The following DNER variants were observed in gnomAD, a reference collection of about 807,000 sequenced individuals.
DNER encodes delta and Notch-like epidermal growth factor-related receptor.
Under a neutral mutation model 78.2 loss-of-function variants are expected in DNER, and 33 were observed. The observed-to-expected ratio is 0.42, with a 90% CI of 0.32 to 0.56. The LOEUF is 0.56. Among genes scored for constraint, DNER ranks in the 20% least tolerant of loss-of-function variants. The pLI is 0.11. For missense variants in DNER, 918 were observed against 975.3 expected (o/e 0.94, Z 0.78); for synonymous variants, 417 against 384.8 (o/e 1.08, Z -0.98).
chr2:229,360,476 T>C (rs1469034612), intron 12 of DNER, among the ~76,000 whole-genome samples: 1 of 152,212 alleles, frequency 6.6e-6, no homozygotes, highest in Non-Finnish European at 1.5e-5. Flanking sequence ...AGTGGCGTGG[T>C]CTCGGCTCAC....
chr2:229,674,796 C>T (rs1219513683), intron 1 of DNER, among the ~76,000 whole-genome samples: 3 of 152,206 alleles, frequency 2.0e-5, no homozygotes, highest in African/African-American at 7.2e-5. Context: ...TGTTGAACTC[C>T]ATTTGGCCAA....
At chr2:229,636,503 G>A (rs531093874) in intron 1 of DNER, among the ~76,000 whole-genome samples, 1 of 152,324 alleles carries the variant, frequency 6.6e-6, no homozygotes, top group African/African-American at 2.4e-5. Flanking sequence ...GAAGGACCTG[G>A]TGCAAGTCCT....
intron 6 of DNER, among the ~76,000 whole-genome samples, chr2:229,484,537 TTTG>T (rs1388289987): frequency 1.1e-4 from 17 of 152,128 alleles, no homozygotes; most frequent in African/African-American, 4.1e-4. Flanking sequence ...AACTCTTCAT[TTTG>T]TTGTTGTTGT....
chr2:229,365,638 G>C (rs1248496043), intron 12 of DNER, among the ~76,000 whole-genome samples: 1 of 152,200 alleles, frequency 6.6e-6, no homozygotes, highest in Non-Finnish European at 1.5e-5. Context: ...GTTTCACCAA[G>C]TTGGCCAGGC....
At chr2:229,604,332 T>C (rs7556843) in intron 1 of DNER, among the ~76,000 whole-genome samples, 2,506 of 152,264 alleles carry the variant, frequency 0.016, 75 homozygotes, top group African/African-American at 0.057. Flanking sequence ...ACCAGGCACA[T>C]AGTAGGCTCT....
intron 1 of DNER, among the ~76,000 whole-genome samples, chr2:229,650,305 G>C (rs150375391): frequency 1.9e-3 from 290 of 152,246 alleles, no homozygotes; most frequent in Admixed American, 3.0e-3. Flanking sequence ...TGTGAAGGAA[G>C]TATCAGAGCC....
intron 1 of DNER, among the ~76,000 whole-genome samples, chr2:229,689,847 G>A (rs1699538979): frequency 6.6e-6 from 1 of 152,176 alleles, no homozygotes; most frequent in Admixed American, 6.5e-5. Context: ...GGGTTTTGCT[G>A]TGAGCTATTA....
rs192783514 is a variant in DNER at position 229,690,676 on chromosome 2, A to G, written c.276+23472T>C. Among the ~76,000 whole-genome samples, 868 of 151,920 alleles carry G rather than the reference A, an allele frequency of 5.7e-3. 5 individuals are homozygous for G. The highest frequency in any genetic ancestry group is 0.041 in the Middle Eastern group (12 of 294). On this transcript the variant is annotated intron_variant, in intron 1 of 12. Transcript: ENST00000341772. ...TAGTTCAAGGGCTTATATCTGTGGG[A>G]AAAAAAAATCTCTGCCCTTGTGGAG...
chr2:229,508,888 AAAGAAAAGAAAAG>A (rs1695803593), intron 6 of DNER, among the ~76,000 whole-genome samples: 1 of 742 alleles, frequency 1.3e-3, no homozygotes, highest in Admixed American at 7.8e-3. Flanking sequence ...CTCAAAAAGA[AAAGAAAAGAAAAG>A]AAAAGAAAAG....
At chr2:229,502,352 C>T (rs909991823) in intron 6 of DNER, among the ~76,000 whole-genome samples, 2 of 152,190 alleles carry the variant, frequency 1.3e-5, no homozygotes, top group Non-Finnish European at 2.9e-5. Context: ...GGGGGCACCG[C>T]AGCAGTGCAG....
At chr2:229,443,639 T>C (rs915589226) in intron 8 of DNER, among the ~76,000 whole-genome samples, 3 of 152,222 alleles carry the variant, frequency 2.0e-5, no homozygotes, top group Non-Finnish European at 2.9e-5. Context: ...TGGCATTTTG[T>C]CAGATGGGAA....
intron 8 of DNER, among the ~76,000 whole-genome samples, chr2:229,437,829 A>G (rs1694156122): frequency 6.6e-6 from 1 of 152,206 alleles, no homozygotes; most frequent in Non-Finnish European, 1.5e-5. Flanking sequence ...AACAACATCA[A>G]AGGAATCCAT....
chr2:229,594,414 T>C (rs1161809684), intron 1 of DNER, among the ~76,000 whole-genome samples: 1 of 152,052 alleles, frequency 6.6e-6, no homozygotes. Flanking sequence ...TGGCAAAGCC[T>C]CATCTCTACT....
chr2:229,546,394 C>T (rs549329128), intron 5 of DNER, among the ~76,000 whole-genome samples: 8 of 151,984 alleles, frequency 5.3e-5, no homozygotes, highest in African/African-American at 1.2e-4. Context: ...TGGGCTGAAA[C>T]GGGGCAACAA....
In DNER at chr2:229,586,129, C is replaced by T. The variant is rs1005518200; in HGVS notation, c.681-105G>A. ...ATACAAAGATGGTATGTGCATCTAC[C>T]AAGGTACCAGGAGATCGATGGCATA... On this transcript the variant is annotated intron_variant, in intron 3 of 12. Coordinates refer to ENST00000341772, the MANE Select transcript of DNER (RefSeq NM_139072.4). 6.8e-5 allele frequency: 91 copies of T among 1,345,480 alleles called. No homozygotes were observed. The African/African-American group carries it at 1.2e-3, about 17-fold the overall frequency. The allele number at this position is 1,345,480 out of a possible 1,614,324, so 83.3% of individuals were successfully genotyped here.
chr2:229,405,381 C>T (rs375019733), intron 10 of DNER, among the ~76,000 whole-genome samples: 4 of 151,802 alleles, frequency 2.6e-5, no homozygotes, highest in South Asian at 2.1e-4. Flanking sequence ...TCTCCTGTAC[C>T]CTGGGATTCT....
intron 3 of DNER, chr2:229,586,888 C>T: frequency 1.0e-6 from 1 of 985,500 alleles, no homozygotes; most frequent in Non-Finnish European, 1.2e-6. Flanking sequence ...AGCAGGGGCT[C>T]AGTAAAGCTT....
At chr2:229,610,864 G>A (rs1325239252) in intron 1 of DNER, among the ~76,000 whole-genome samples, 1 of 152,218 alleles carries the variant, frequency 6.6e-6, no homozygotes, top group Non-Finnish European at 1.5e-5. Context: ...AAAGTGCTAT[G>A]GGGTGCCAAG....
intron 10 of DNER, among the ~76,000 whole-genome samples, chr2:229,395,732 C>T (rs1397257129): frequency 6.6e-6 from 1 of 152,066 alleles, no homozygotes; most frequent in Non-Finnish European, 1.5e-5. Flanking sequence ...AACCCCATCT[C>T]TACTAAAACT....
Sources: allele counts gnomAD v4.1 joint callset (sites outside exome capture counted in the v4.1 genomes callset), GRCh38; gene constraint gnomAD v4.1.1; transcripts MANE v1.5; gene names NCBI Gene and HGNC (gene_info 2026-07-23, HGNC 2026-07-21).